ARHGAP44: variants seen among roughly 807,000 people sequenced by gnomAD.
ARHGAP44 encodes Rho GTPase activating protein 44, also known as rho GTPase-activating protein 44.
In ARHGAP44, 43 loss-of-function variants were observed where a neutral mutation model predicts 106.8. The ratio of observed to expected loss-of-function variants is 0.40; its 90% CI spans 0.32 to 0.52. The LOEUF is 0.52. Among genes scored for constraint, ARHGAP44 ranks in the 20% least tolerant of loss-of-function variants. The pLI is 0.48. For missense variants in ARHGAP44, 866 were observed against 1,050.5 expected (o/e 0.82, Z 2.43); for synonymous variants, 439 against 410.3 (o/e 1.07, Z -0.85).
intron 13 of ARHGAP44, among the ~76,000 whole-genome samples, chr17:12,953,431 G>C (rs956541075): frequency 2.0e-5 from 3 of 152,118 alleles, no homozygotes; most frequent in Middle Eastern, 3.2e-3. Context: ...GGTTATTTCT[G>C]TTTTCCTGTT....
At chr17:12,940,940 TAAA>T (rs1282189562) in intron 7 of ARHGAP44, 113 bp from the exon 8 acceptor site, 5 of 785,950 alleles carry the variant, frequency 6.4e-6, no homozygotes, top group Non-Finnish European at 1.0e-5. Flanking sequence ...TATCAAGTAT[TAAA>T]AAGGAGATTA....
chr17:12,857,765 G>GTTATTTATTTAT (rs56164347), intron 1 of ARHGAP44, among the ~76,000 whole-genome samples: 4 of 145,544 alleles, frequency 2.7e-5, no homozygotes, highest in African/African-American at 5.0e-5. Flanking sequence ...GGTTGCCCAT[G>GTTATTTATTTAT]TTATTTATTT....
chr17:12,896,357 C>G (rs1246716528), intron 2 of ARHGAP44, 50 bp from the exon 3 acceptor site: 3 of 1,494,424 alleles, frequency 2.0e-6, no homozygotes, highest in Middle Eastern at 1.8e-4. Context: ...AATCCCTCCT[C>G]CCCTGACCTT....
chr17:12,893,661 G>C (rs968109973), intron 1 of ARHGAP44, among the ~76,000 whole-genome samples: 1 of 152,154 alleles, frequency 6.6e-6, no homozygotes, highest in Non-Finnish European at 1.5e-5. Flanking sequence ...AGAAGTCAGG[G>C]CTCCCTACTC....
intron 1 of ARHGAP44, among the ~76,000 whole-genome samples, chr17:12,817,449 T>C (rs1217645873): frequency 6.6e-6 from 1 of 151,852 alleles, no homozygotes; most frequent in Non-Finnish European, 1.5e-5. Flanking sequence ...ATCAGTAATA[T>C]AAGGTTCTAC....
At chr17:12,864,894 G>T (rs2036189509) in intron 1 of ARHGAP44, among the ~76,000 whole-genome samples, 1 of 152,056 alleles carries the variant, frequency 6.6e-6, no homozygotes, top group South Asian at 2.1e-4. Context: ...AAAGATGAAG[G>T]GGAAGAAATT....
At chr17:12,793,658 A>G (rs1301115150) in intron 1 of ARHGAP44, among the ~76,000 whole-genome samples, 4 of 152,004 alleles carry the variant, frequency 2.6e-5, no homozygotes, top group Admixed American at 6.6e-5. Flanking sequence ...CAGTGAGCCA[A>G]GCTTGCACCA....
intron 7 of ARHGAP44, among the ~76,000 whole-genome samples, chr17:12,936,636 A>G (rs919639194): frequency 1.1e-4 from 17 of 152,244 alleles, no homozygotes; most frequent in African/African-American, 4.1e-4. Context: ...GCAATTATGA[A>G]CAAAGATGCT....
At chr17:12,814,233 G>GTTTT in intron 1 of ARHGAP44, among the ~76,000 whole-genome samples, 1 of 136,642 alleles carries the variant, frequency 7.3e-6, no homozygotes, top group Non-Finnish European at 1.5e-5. Flanking sequence ...TCCCAAACTG[G>GTTTT]TGTTTTTTTT....
chr17:12,964,610 A>G (rs1178262507), intron 16 of ARHGAP44, among the ~76,000 whole-genome samples: 1 of 152,114 alleles, frequency 6.6e-6, no homozygotes, highest in Non-Finnish European at 1.5e-5. Context: ...GTGAAACCTC[A>G]TCTCTACTAA....
intron 1 of ARHGAP44, among the ~76,000 whole-genome samples, chr17:12,865,175 T>C (rs1015488488): frequency 2.0e-5 from 3 of 152,158 alleles, no homozygotes; most frequent in African/African-American, 7.2e-5. Context: ...GTTTTATGCA[T>C]CTGGAGAGGC....
chr17:12,966,371 C>T (rs2039392498), intron 16 of ARHGAP44, among the ~76,000 whole-genome samples: 1 of 152,130 alleles, frequency 6.6e-6, no homozygotes. Flanking sequence ...TGGACTTAGA[C>T]ATTGTTGGAT....
At chr17:12,911,659 TCATC>T (rs939689447) in intron 4 of ARHGAP44, among the ~76,000 whole-genome samples, 2 of 152,164 alleles carry the variant, frequency 1.3e-5, no homozygotes, top group African/African-American at 4.8e-5. Flanking sequence ...TAGGAACCTG[TCATC>T]CCCCGACTCC....
intron 1 of ARHGAP44, among the ~76,000 whole-genome samples, chr17:12,856,022 A>T (rs986604989): frequency 2.0e-5 from 3 of 152,228 alleles, no homozygotes; most frequent in African/African-American, 7.2e-5. Context: ...TCAGCAGTAG[A>T]CATTCTTAGT....
chr17:12,789,733 C>G lies in ARHGAP44; in HGVS notation c.-106C>G. 9.0e-7 allele frequency: 1 copy of G among 1,106,444 alleles called. No individual in the cohort carries two copies. The highest frequency in any genetic ancestry group is 2.6e-5 in the South Asian group (1 of 38,868). 68.5% of individuals were successfully genotyped at this position (1,106,444 alleles called of 1,614,324 possible). On this transcript the variant is annotated 5_prime_UTR_variant, in exon 1 of 21. Transcript: ENST00000379672. ...GCGCCCGGAGGCTCCGCAGTGCCGC[C>G]GCCGTCGCCCGGGAGGCTCCGCGCG...
chr17:12,988,389 G>T (rs1343024069), intron 20 of ARHGAP44: 3 of 152,206 alleles, frequency 2.0e-5, no homozygotes, highest in African/African-American at 7.2e-5. Context: ...TTACCTGATA[G>T]CGAACCCTGC....
intron 14 of ARHGAP44, 130 bp from the exon 15 acceptor site, chr17:12,956,525 C>T: frequency 1.5e-6 from 1 of 686,828 alleles, no homozygotes; most frequent in Non-Finnish European, 2.5e-6. Flanking sequence ...AGAAAGTCTG[C>T]TCTCAAACCT....
chr17:12,920,302 G>T (rs555130226), intron 6 of ARHGAP44, among the ~76,000 whole-genome samples: 2 of 143,586 alleles, frequency 1.4e-5, no homozygotes, highest in East Asian at 4.3e-4. Flanking sequence ...TGTGAACCGG[G>T]GAGGCGGAGC....
chr17:12,956,563 C>G (rs763231436), intron 14 of ARHGAP44, 92 bp from the exon 15 acceptor site: 11 of 1,085,474 alleles, frequency 1.0e-5, no homozygotes, highest in Non-Finnish European at 1.5e-5. Context: ...GTCCAGGGCC[C>G]CTTCCTGGGC....
Sources: allele counts gnomAD v4.1 joint callset (sites outside exome capture counted in the v4.1 genomes callset), GRCh38; gene constraint gnomAD v4.1.1; transcripts MANE v1.5; gene names NCBI Gene and HGNC (gene_info 2026-07-23, HGNC 2026-07-21).